The following ANGEL1 variants were observed in gnomAD, a reference collection of about 807,000 sequenced individuals.
ANGEL1 encodes the protein RNA 2',3'-cyclic phosphatase ANGEL1.
A neutral mutation model predicts 76.4 loss-of-function variants in ANGEL1; 62 were observed. The ratio of observed to expected loss-of-function variants is 0.81; its 90% CI spans 0.66 to 1.00. The LOEUF (loss-of-function observed/expected upper bound fraction) is 1.00, where lower values mean the gene tolerates loss of function less well. Ranked by LOEUF, ANGEL1 falls within the 50% of genes least tolerant of loss-of-function variation. The pLI is 0.00. For missense variants in ANGEL1, 737 were observed against 836.7 expected (o/e 0.88, Z 1.47); for synonymous variants, 340 against 331.7 (o/e 1.03, Z -0.27).
chr14:76,786,496 A>T lies in ANGEL1; in HGVS notation c.*2732T>A, dbSNP rs1427578493. 2 of 152,142 alleles carry T rather than the reference A, an allele frequency of 1.3e-5. No homozygotes were observed. Among genetic ancestry groups the T allele is most frequent in the Non-Finnish European group, 2.9e-5 (2 of 68,062 alleles). 9.4% of individuals were successfully genotyped at this position (152,142 alleles called of 1,614,324 possible). On this transcript the variant is annotated 3_prime_UTR_variant, in exon 10 of 10. Coordinates refer to ENST00000251089, the MANE Select transcript of ANGEL1 (RefSeq NM_015305.4). ...TCTTTTTACTAAATCAATTGAGGGG[A>T]TCGCAACCCAGGTAGTGCAATGGAA...
chr14:76,794,115 T>C (rs868245468), intron 7 of ANGEL1, among the ~76,000 whole-genome samples: 2 of 152,122 alleles, frequency 1.3e-5, no homozygotes, highest in African/African-American at 2.4e-5. Flanking sequence ...CTATGGTCAA[T>C]TGATTTTTGA....
chr14:76,791,227 C>A, intron 8 of ANGEL1, 70 bp downstream of exon 8: 1 of 1,540,296 alleles, frequency 6.5e-7, no homozygotes, highest in East Asian at 2.2e-5. Context: ...TCAGGACAAC[C>A]AATGGGAATC....
chr14:76,809,071 T>A lies in ANGEL1; in HGVS notation c.637A>T (p.Ile213Leu). Residue 213 changes from isoleucine (I) to leucine (L), a missense_variant, in exon 2 of 10, where the codon ATA (isoleucine) becomes TTA (leucine). Physicochemically the swap from Ile to Leu is conservative, Grantham distance 5 (BLOSUM62 2). Around this residue, in one of 2 missense-constraint regions of ANGEL1, gnomAD observed 441 missense variants for 449.5 expected, o/e 0.98. Transcript: ENST00000251089. ...TTGTCAGACTCACCATGATATGGTA[T>A]TTCCACTGCGGGAGGCTGCAACTGC... ...LGQLQPPAVE[I>L]PYHEILWREW... is the part of the protein sequence containing the mutation. 9.3e-6 allele frequency: 15 copies of A among 1,611,460 alleles called. No individual in the cohort carries two copies. Among genetic ancestry groups the A allele is most frequent in the Non-Finnish European group, 1.3e-5 (15 of 1,178,370 alleles).
chr14:76,789,465 T>A (rs1158057504), intron 9 of ANGEL1, 77 bp from the exon 10 acceptor site: 2 of 1,542,872 alleles, frequency 1.3e-6, no homozygotes, highest in Non-Finnish European at 1.8e-6. Flanking sequence ...CAGAGTCCTT[T>A]GGGAACGCCT....
In ANGEL1 at chr14:76,790,614, T is replaced by C. The variant is rs1894375349; in HGVS notation, c.1849A>G (p.Thr617Ala). The part of the protein sequence containing the change: ...SAESCENGNR[T>A]DHRLYRDGTL... ...ACCCAGGATCCATCAGGCTTACCAG[T>C]TCTGTTCCCATTCTCACAGGACTCA... The change falls in exon 9 of 10, where the codon ACT becomes GCT. Residue 617 changes from threonine (T) to alanine (A), a missense_variant. By Grantham distance (58) the Thr-to-Ala change is moderately conservative (BLOSUM62 0). Around this residue, in one of 2 missense-constraint regions of ANGEL1, gnomAD observed 296 missense variants for 387.2 expected, o/e 0.76. Coordinates refer to ENST00000251089, the MANE Select transcript of ANGEL1 (RefSeq NM_015305.4). 6.2e-7 allele frequency: 1 copy of C among 1,613,196 alleles called. No individual in the cohort carries two copies. The highest frequency in any genetic ancestry group is 2.2e-5 in the East Asian group (1 of 44,856).
chr14:76,807,017 C>T (rs192072258), intron 4 of ANGEL1, among the ~76,000 whole-genome samples, 168 bp from the exon 5 acceptor site: 1 of 152,290 alleles, frequency 6.6e-6, no homozygotes, highest in African/African-American at 2.4e-5. Flanking sequence ...TACATCGTAA[C>T]CAGCTGACTG....
chr14:76,807,878 G>C (rs746954593), intron 3 of ANGEL1, 44 bp downstream of exon 3: 1 of 1,600,324 alleles, frequency 6.2e-7, no homozygotes, highest in South Asian at 1.1e-5. Flanking sequence ...CAACAGCCCA[G>C]GTCCAGCAAC....
Position 76,812,832 on chromosome 14 carries a change from G to T in ANGEL1, c.-5C>A. ...ACACAAGCACGACGCGATCATGGCC[G>T]GCCGCCCGCGCCCGCCTCCGCTCCT... On this transcript the variant is annotated 5_prime_UTR_variant, in exon 1 of 10. Transcript: ENST00000251089. The T allele has an allele frequency of 6.6e-7, 1 of 1,508,168 alleles. No individual in the cohort carries two copies. The allele number at this position is 1,508,168 out of a possible 1,614,324, so 93.4% of individuals were successfully genotyped here.
chr14:76,801,588 A>C (rs1047147159), intron 7 of ANGEL1, among the ~76,000 whole-genome samples: 17 of 151,948 alleles, frequency 1.1e-4, no homozygotes, highest in African/African-American at 4.1e-4. Flanking sequence ...TTTATCTTTC[A>C]CTACTGTCAT....
chr14:76,812,797 G>C lies in ANGEL1; in HGVS notation c.31C>G (p.Leu11Val). 1 of 1,521,638 alleles carries C rather than the reference G, an allele frequency of 6.6e-7. No homozygotes were observed. The highest frequency in any genetic ancestry group is 8.8e-7 in the Non-Finnish European group (1 of 1,139,478). The allele number at this position is 1,521,638 out of a possible 1,614,324, so 94.3% of individuals were successfully genotyped here. Residue 11 changes from leucine (L) to valine (V), a missense_variant, in exon 1 of 10, where the codon CTG (leucine) becomes GTG (valine). Physicochemically the swap from Leu to Val is conservative, Grantham distance 32. Around this residue, in one of 2 missense-constraint regions of ANGEL1, gnomAD observed 441 missense variants for 449.5 expected, o/e 0.98. Transcript: ENST00000251089. MIASCLCYLL[L>V]PATRLFRALS... ...GCGCGGAAGAGGCGCGTGGCCGGCA[G>C]CAGCAGGTAACACAAGCACGACGCG...
At chr14:76,812,512 A>T in intron 1 of ANGEL1, 1 of 1,242,166 alleles carries the variant, frequency 8.1e-7, no homozygotes, top group Non-Finnish European at 1.0e-6. Context: ...CTCCACCTTA[A>T]CCGCGGCCGG....
At chr14:76,799,278 CTTTTTTTTTTTTTTTT>C (rs71122579) in intron 7 of ANGEL1, among the ~76,000 whole-genome samples, 41 of 52,384 alleles carry the variant, frequency 7.8e-4, no homozygotes, top group African/African-American at 2.4e-3. Flanking sequence ...TCATGGCCTC[CTTTTTTTTTTTTTTTT>C]TTTTTTTTTT....
chr14:76,804,396 G>A (rs758775627), intron 5 of ANGEL1: 264 of 1,006,442 alleles, frequency 2.6e-4, no homozygotes, highest in Non-Finnish European at 3.0e-4. Context: ...CACCATCCTC[G>A]GTCAAAGCCA....
chr14:76,808,330 C>T (rs1016680154), intron 2 of ANGEL1, among the ~76,000 whole-genome samples, 182 bp from the exon 3 acceptor site: 3 of 152,216 alleles, frequency 2.0e-5, no homozygotes, highest in Non-Finnish European at 2.9e-5. Flanking sequence ...GTTAGCTCCA[C>T]AAGGCCAGAG....
intron 1 of ANGEL1, among the ~76,000 whole-genome samples, chr14:76,811,636 A>G (rs1208502387): frequency 1.3e-5 from 2 of 151,970 alleles, no homozygotes; most frequent in Non-Finnish European, 2.9e-5. Flanking sequence ...ACAGCAACAT[A>G]GTTAAAAGAA....
intron 7 of ANGEL1, among the ~76,000 whole-genome samples, chr14:76,797,996 C>CTA (rs1241207965): frequency 6.6e-6 from 1 of 152,124 alleles, no homozygotes; most frequent in Non-Finnish European, 1.5e-5. Flanking sequence ...GTGTGGAGTC[C>CTA]TCATGGATAG....
At chr14:76,805,229 G>A (rs1894884184) in intron 5 of ANGEL1, among the ~76,000 whole-genome samples, 1 of 152,114 alleles carries the variant, frequency 6.6e-6, no homozygotes, top group Non-Finnish European at 1.5e-5. Flanking sequence ...GGCAAATGGG[G>A]TTCAAAAAAG....
intron 7 of ANGEL1, among the ~76,000 whole-genome samples, chr14:76,795,710 G>A (rs1894556235): frequency 6.6e-6 from 1 of 151,910 alleles, no homozygotes; most frequent in African/African-American, 2.4e-5. Flanking sequence ...AATCTCCATG[G>A]GAATCAGTTT....
chr14:76,798,091 A>T (rs1386836213), intron 7 of ANGEL1, among the ~76,000 whole-genome samples: 1 of 150,574 alleles, frequency 6.6e-6, no homozygotes, highest in East Asian at 1.9e-4. Context: ...ATGAACCAGG[A>T]ACCAGGCCCT....
Sources: allele counts gnomAD v4.1 joint callset (sites outside exome capture counted in the v4.1 genomes callset), GRCh38; gene constraint gnomAD v4.1.1; regional missense constraint gnomAD v4.1.1; transcripts MANE v1.5; gene names NCBI Gene and HGNC (gene_info 2026-07-23, HGNC 2026-07-21).